Variants in FRMD4A observed in about 807,000 individuals in gnomAD.
The protein encoded by FRMD4A is FERM domain-containing protein 4A.
In FRMD4A, 29 loss-of-function variants were observed where a neutral mutation model predicts 129.1. The observed-to-expected ratio is 0.22, with a 90% CI of 0.17 to 0.31. The LOEUF (loss-of-function observed/expected upper bound fraction) is 0.31, where lower values mean the gene tolerates loss of function less well. Among genes scored for constraint, FRMD4A ranks in the 10% least tolerant of loss-of-function variants. The pLI is 1.00. For missense variants in FRMD4A, 1,272 were observed against 1,375.8 expected, an observed-to-expected ratio of 0.92 and a Z score of 1.19; for synonymous variants, 634 against 571.6, an observed-to-expected ratio of 1.11 and a Z score of -1.56.
At chr10:14,326,090 G>GAA (rs1843262720) in intron 2 of FRMD4A, 1 of 152,108 alleles carries the variant, frequency 6.6e-6, no homozygotes, top group South Asian at 2.1e-4. Flanking sequence ...TGAGAGAATA[G>GAA]AACCTTGAAA....
intron 2 of FRMD4A, among the ~76,000 whole-genome samples, chr10:14,222,947 G>A (rs11818586): frequency 0.29 from 44,109 of 152,012 alleles, 6,677 homozygotes; most frequent in Admixed American, 0.34. Flanking sequence ...AATTAGCCTG[G>A]CATAGTGGCT....
intron 2 of FRMD4A, among the ~76,000 whole-genome samples, chr10:13,868,525 A>C (rs2094401828): frequency 6.6e-6 from 1 of 152,064 alleles, no homozygotes; most frequent in African/African-American, 2.4e-5. Context: ...AGGTGTGGCC[A>C]GGCACGGCGG....
chr10:14,286,743 G>A (rs934277313), intron 2 of FRMD4A, among the ~76,000 whole-genome samples: 14 of 152,244 alleles, frequency 9.2e-5, no homozygotes, highest in African/African-American at 3.4e-4. Context: ...CCCTGCATGT[G>A]CTCTGTGTAA....
intron 2 of FRMD4A, among the ~76,000 whole-genome samples, chr10:14,233,236 C>A (rs1220364968): frequency 6.6e-6 from 1 of 152,124 alleles, no homozygotes; most frequent in Admixed American, 6.5e-5. Context: ...AATACATATC[C>A]TCAGAAGCAT....
intron 2 of FRMD4A, among the ~76,000 whole-genome samples, chr10:14,181,704 T>A (rs1841920322): frequency 6.6e-6 from 1 of 152,226 alleles, no homozygotes; most frequent in African/African-American, 2.4e-5. Flanking sequence ...GAATTTTTTT[T>A]ATTTGAGATA....
At chr10:13,688,266 C>T (rs2085289379) in intron 15 of FRMD4A, among the ~76,000 whole-genome samples, 1 of 152,030 alleles carries the variant, frequency 6.6e-6, no homozygotes, top group African/African-American at 2.4e-5. Flanking sequence ...AAACTGGAAA[C>T]CATCATTCTC....
At chr10:14,329,458 G>A (rs1157767009) in intron 2 of FRMD4A, among the ~76,000 whole-genome samples, 2 of 152,164 alleles carry the variant, frequency 1.3e-5, no homozygotes, top group Non-Finnish European at 2.9e-5. Flanking sequence ...GGGGCATAAG[G>A]TGAGTCAGCT....
intron 6 of FRMD4A, among the ~76,000 whole-genome samples, chr10:13,777,407 G>A (rs894773606): frequency 2.0e-5 from 3 of 152,094 alleles, no homozygotes; most frequent in Admixed American, 1.3e-4. Flanking sequence ...GGAGACAGGG[G>A]GCCTTGGGAT....
chr10:14,143,476 T>C (rs11594793), intron 2 of FRMD4A, among the ~76,000 whole-genome samples: 45,743 of 152,228 alleles, frequency 0.3, 8,156 homozygotes, highest in East Asian at 0.51. Context: ...GGAGATGGAA[T>C]TGGGAATTCT....
intron 8 of FRMD4A, among the ~76,000 whole-genome samples, chr10:13,757,342 T>C (rs2091907146): frequency 6.6e-6 from 1 of 152,186 alleles, no homozygotes; most frequent in Admixed American, 6.5e-5. Context: ...AGGAAAACAA[T>C]AAAAGTGAAA....
At chr10:13,881,651 C>T (rs1361873651) in intron 2 of FRMD4A, among the ~76,000 whole-genome samples, 1 of 152,078 alleles carries the variant, frequency 6.6e-6, no homozygotes, top group Non-Finnish European at 1.5e-5. Flanking sequence ...TTCTGAGCAC[C>T]TGCCAAATGC....
chr10:14,134,663 A>T (rs995686967), intron 2 of FRMD4A, among the ~76,000 whole-genome samples: 1 of 151,248 alleles, frequency 6.6e-6, no homozygotes, highest in Non-Finnish European at 1.5e-5. Flanking sequence ...GAGTTGATAG[A>T]TGGGGGTACA....
chr10:14,211,433 T>C lies in FRMD4A; in HGVS notation c.45+118625A>G, dbSNP rs117501204. Among the ~76,000 whole-genome samples the C allele has an allele frequency of 2.5e-3, 386 of 152,320 alleles. 1 individual carries two copies. Among genetic ancestry groups the C allele is most frequent in the Non-Finnish European group, 4.0e-3 (271 of 68,022 alleles). ...AGCTTTGAATTACTGTGTTCCAAAA[T>C]AGCTCCTTAAGGCACGCATCACTAT... On this transcript the variant is annotated intron_variant, in intron 2 of 24. Transcript: ENST00000357447.
chr10:14,218,860 C>G (rs1481466845), intron 2 of FRMD4A, among the ~76,000 whole-genome samples: 3 of 142,062 alleles, frequency 2.1e-5, no homozygotes, highest in Admixed American at 7.5e-5. Context: ...GAGGCTGAGG[C>G]AGGAGGATCA....
chr10:13,914,591 T>G (rs1304228481), intron 2 of FRMD4A, among the ~76,000 whole-genome samples: 1 of 152,166 alleles, frequency 6.6e-6, no homozygotes. Context: ...TGACAAAAAC[T>G]TAGCTTAAAA....
At chr10:13,903,915 T>G (rs1343679578) in intron 2 of FRMD4A, among the ~76,000 whole-genome samples, 2 of 152,094 alleles carry the variant, frequency 1.3e-5, no homozygotes, top group Non-Finnish European at 2.9e-5. Context: ...GTGAATAAAA[T>G]GAATGAATGG....
At chr10:13,714,027 C>CATATATATAAAATATATATT (rs1554858885) in intron 12 of FRMD4A, among the ~76,000 whole-genome samples, 1 of 31,170 alleles carries the variant, frequency 3.2e-5, no homozygotes, top group East Asian at 1.3e-3. Flanking sequence ...ATAAAATATA[C>CATATATATAAAATATATATT]ATATATATAT....
intron 14 of FRMD4A, among the ~76,000 whole-genome samples, chr10:13,700,749 C>T (rs1391560221): frequency 6.7e-6 from 1 of 148,512 alleles, no homozygotes; most frequent in Non-Finnish European, 1.5e-5. Flanking sequence ...GGGGTGGTGA[C>T]ATCTCCTTGG....
intron 15 of FRMD4A, among the ~76,000 whole-genome samples, chr10:13,692,008 C>G (rs1260900841): frequency 1.3e-5 from 2 of 152,194 alleles, no homozygotes; most frequent in African/African-American, 2.4e-5. Flanking sequence ...AAAGAATGAG[C>G]ATTGACCCCA....
Sources: gnomAD v4.1 joint callset for allele counts (sites outside exome capture counted in the v4.1 genomes callset) on GRCh38, gnomAD v4.1.1 for gene constraint, MANE v1.5 for transcripts, NCBI Gene and HGNC (gene_info 2026-07-23, HGNC 2026-07-21) for gene names.